EVI5: variants seen among roughly 807,000 people sequenced by gnomAD.
EVI5 encodes ecotropic viral integration site 5.
EVI5 carries 73 observed loss-of-function variants against 112.0 expected under a neutral mutation model. That is an observed-to-expected ratio of 0.65 (90% CI 0.54 to 0.79). EVI5 has a LOEUF of 0.79. Among genes scored for constraint, EVI5 ranks in the 30% least tolerant of loss-of-function variants. EVI5 has a pLI of 0.00. For synonymous variants in EVI5, 305 were observed against 319.9 expected, an observed-to-expected ratio of 0.95 and a Z score of 0.50; for missense variants, 900 against 968.8, an observed-to-expected ratio of 0.93 and a Z score of 0.94.
intron 1 of EVI5, among the ~76,000 whole-genome samples, chr1:92,761,427 C>A (rs1318599460): frequency 2.0e-5 from 3 of 152,074 alleles, no homozygotes; most frequent in Non-Finnish European, 2.9e-5. Context: ...AGCAATATAT[C>A]AAACTGAGAA....
chr1:92,769,752 T>C (rs1445327365), intron 1 of EVI5, among the ~76,000 whole-genome samples: 1 of 151,780 alleles, frequency 6.6e-6, no homozygotes, highest in Non-Finnish European at 1.5e-5. Flanking sequence ...CCGGGTGTGG[T>C]GGTGGGCATC....
chr1:92,765,974 G>A (rs1213844923), intron 1 of EVI5, among the ~76,000 whole-genome samples: 1 of 151,802 alleles, frequency 6.6e-6, no homozygotes, highest in African/African-American at 2.4e-5. Context: ...TGGCTACTCA[G>A]GAGTCTGTCC....
intron 1 of EVI5, chr1:92,756,558 T>C (rs1404317931): frequency 1.4e-5 from 7 of 517,090 alleles, no homozygotes; most frequent in Non-Finnish European, 2.4e-5. Context: ...TGACTGCTCA[T>C]GATAATGATG....
intron 1 of EVI5, among the ~76,000 whole-genome samples, chr1:92,739,213 C>A (rs1677945727): frequency 7.7e-6 from 1 of 129,326 alleles, no homozygotes; most frequent in Admixed American, 9.7e-5. Flanking sequence ...GCAGAGGTTG[C>A]AATGCACCAA....
chr1:92,631,209 C>T (rs1053609610), intron 14 of EVI5, among the ~76,000 whole-genome samples: 2 of 152,036 alleles, frequency 1.3e-5, no homozygotes, highest in African/African-American at 2.4e-5. Context: ...TTTTCCAATT[C>T]TGTGAAGAAA....
chr1:92,767,502 A>G (rs1682818490), intron 1 of EVI5, among the ~76,000 whole-genome samples: 1 of 152,232 alleles, frequency 6.6e-6, no homozygotes, highest in Admixed American at 6.5e-5. Context: ...CGTAAAAGAA[A>G]AGAGTGATGA....
intron 13 of EVI5, among the ~76,000 whole-genome samples, chr1:92,647,987 C>T (rs575674086): frequency 2.0e-5 from 3 of 149,620 alleles, no homozygotes; most frequent in South Asian, 2.1e-4. Context: ...TCAAGTGATC[C>T]GCCCATCTCA....
At chr1:92,672,025 G>C (rs987784307) in intron 10 of EVI5, among the ~76,000 whole-genome samples, 1 of 151,824 alleles carries the variant, frequency 6.6e-6, no homozygotes, top group Non-Finnish European at 1.5e-5. Context: ...GGCTGGTCTT[G>C]AACTCCTGGG....
intron 1 of EVI5, among the ~76,000 whole-genome samples, chr1:92,779,666 A>C (rs1329413075): frequency 3.3e-5 from 5 of 152,190 alleles, no homozygotes; most frequent in Admixed American, 2.6e-4. Flanking sequence ...AAGGGAATAC[A>C]ATCAAGAAAC....
intron 1 of EVI5, among the ~76,000 whole-genome samples, chr1:92,770,226 T>C (rs1050042412): frequency 8.5e-5 from 13 of 152,168 alleles, no homozygotes; most frequent in Non-Finnish European, 1.9e-4. Context: ...AGTCACTAAG[T>C]TTGTACTAAT....
chr1:92,538,197 A>G (rs756592158), intron 19 of EVI5, among the ~76,000 whole-genome samples: 6 of 152,208 alleles, frequency 3.9e-5, no homozygotes, highest in Non-Finnish European at 5.9e-5. Context: ...ACACATCTTG[A>G]TAAAATTGAA....
intron 13 of EVI5, among the ~76,000 whole-genome samples, chr1:92,658,289 A>G (rs1286433389): frequency 1.3e-5 from 2 of 152,228 alleles, no homozygotes; most frequent in African/African-American, 4.8e-5. Flanking sequence ...GAAAAGAGGA[A>G]GTCAAATTAT....
intron 13 of EVI5, among the ~76,000 whole-genome samples, chr1:92,647,920 T>C (rs1661273035): frequency 6.6e-6 from 1 of 151,566 alleles, no homozygotes; most frequent in Non-Finnish European, 1.5e-5. Context: ...AAATTTTGTA[T>C]CTTTAGTAGA....
At chr1:92,694,564 A>C (rs1670008175) in intron 7 of EVI5, among the ~76,000 whole-genome samples, 176 bp from the exon 8 acceptor site, 1 of 152,202 alleles carries the variant, frequency 6.6e-6, no homozygotes, top group Non-Finnish European at 1.5e-5. Context: ...ATTGTCTGTC[A>C]AAATTACTCA....
chr1:92,634,943 A>T (rs1658415146), intron 14 of EVI5, among the ~76,000 whole-genome samples: 1 of 152,122 alleles, frequency 6.6e-6, no homozygotes, highest in South Asian at 2.1e-4. Flanking sequence ...CTGGAGGTCC[A>T]CTCCAGACCC....
chr1:92,643,893 GA>G (rs1249771141), intron 13 of EVI5, among the ~76,000 whole-genome samples: 2 of 142,948 alleles, frequency 1.4e-5, no homozygotes, highest in Non-Finnish European at 3.1e-5. Flanking sequence ...TAGTGAGTCA[GA>G]GGGAGCTAGA....
chr1:92,714,452 A>G (rs1326193042), intron 2 of EVI5, among the ~76,000 whole-genome samples: 1 of 152,218 alleles, frequency 6.6e-6, no homozygotes, highest in African/African-American at 2.4e-5. Flanking sequence ...TAACTTACAT[A>G]TCTATATTAC....
intron 19 of EVI5, among the ~76,000 whole-genome samples, chr1:92,561,655 ATCTAT>A (rs1668646695): frequency 1.1e-4 from 16 of 143,082 alleles, no homozygotes; most frequent in Admixed American, 9.1e-4. Context: ...CTATCTATCT[ATCTAT>A]CTATCAGAGT....
At chr1:92,686,994 C>G (rs1014473578) in intron 9 of EVI5, among the ~76,000 whole-genome samples, 1 of 152,172 alleles carries the variant, frequency 6.6e-6, no homozygotes, top group Admixed American at 6.5e-5. Flanking sequence ...AATGCCATCC[C>G]CATCAAGCTA....
Sources: allele counts gnomAD v4.1 joint callset (sites outside exome capture counted in the v4.1 genomes callset), GRCh38; gene constraint gnomAD v4.1.1; transcripts MANE v1.5; gene names NCBI Gene and HGNC (gene_info 2026-07-23, HGNC 2026-07-21).